Variants in SLC25A25 observed in about 807,000 individuals in gnomAD.
SLC25A25 encodes the protein solute carrier family 25 member 25.
A neutral mutation model predicts 57.7 loss-of-function variants in SLC25A25; 32 were observed. The observed-to-expected ratio is 0.55, with a 90% CI of 0.42 to 0.74. The LOEUF (loss-of-function observed/expected upper bound fraction) is 0.74, where lower values mean the gene tolerates loss of function less well. SLC25A25 is among the 30% of genes least tolerant of loss of function. The pLI is 0.00. For missense variants in SLC25A25, 556 were observed against 701.3 expected, an observed-to-expected ratio of 0.79 and a Z score of 2.34; for synonymous variants, 306 against 291.2, an observed-to-expected ratio of 1.05 and a Z score of -0.52.
chr9:128,080,552 T>C (rs1833133270), intron 1 of SLC25A25, among the ~76,000 whole-genome samples: 1 of 150,916 alleles, frequency 6.6e-6, no homozygotes, highest in South Asian at 2.1e-4. Context: ...ATGGAGTAGC[T>C]GGGATTACAG....
intron 1 of SLC25A25, among the ~76,000 whole-genome samples, chr9:128,073,696 G>A (rs1253407553): frequency 2.6e-5 from 4 of 151,808 alleles, no homozygotes; most frequent in South Asian, 2.1e-4. Context: ...TTGCATAATC[G>A]GTCCCTGGCT....
At chr9:128,085,331 CA>C (rs35591586) in intron 1 of SLC25A25, among the ~76,000 whole-genome samples, 30,847 of 146,616 alleles carry the variant, frequency 0.21, 3,730 homozygotes, top group African/African-American at 0.34. Context: ...AACTCCGTCT[CA>C]AAAAAAAAAA....
Position 128,106,347 on chromosome 9 carries a change from G to T in SLC25A25, c.1045-6G>T, listed in dbSNP as rs780520323. On this transcript the variant is annotated splice_region_variant and splice_polypyrimidine_tract_variant and intron_variant, in intron 8 of 10. Coordinates refer to ENST00000373069, the MANE Select transcript of SLC25A25 (RefSeq NM_001330988.2). ...GCTCACGCGTCCCGCTGCTCCTGTT[G>T]TGCAGGTCCTGAAGACCCGGATGGC... 3 of 1,613,640 alleles carry T rather than the reference G, an allele frequency of 1.9e-6. No homozygotes were observed. The highest frequency in any genetic ancestry group is 2.5e-6 in the Non-Finnish European group (3 of 1,179,810).
chr9:128,081,009 G>C (rs907374953), intron 1 of SLC25A25, among the ~76,000 whole-genome samples: 1 of 152,172 alleles, frequency 6.6e-6, no homozygotes, highest in African/African-American at 2.4e-5. Context: ...CACGACTTGG[G>C]TGTATTTTTT....
intron 1 of SLC25A25, chr9:128,091,381 G>A (rs1327798462): frequency 2.1e-6 from 2 of 956,224 alleles, no homozygotes; most frequent in Admixed American, 6.2e-5. Flanking sequence ...AATGAACTTG[G>A]TAGTGTCGGC....
chr9:128,082,325 A>G (rs968751263), intron 1 of SLC25A25, among the ~76,000 whole-genome samples: 2 of 152,118 alleles, frequency 1.3e-5, no homozygotes, highest in East Asian at 1.9e-4. Flanking sequence ...ATTTGTGCCA[A>G]ATGAGGTGAG....
At chr9:128,079,701 A>T (rs1833102478) in intron 1 of SLC25A25, among the ~76,000 whole-genome samples, 1 of 149,524 alleles carries the variant, frequency 6.7e-6, no homozygotes, top group Non-Finnish European at 1.5e-5. Context: ...TGCTTAAAAA[A>T]CCCAGGAGGG....
intron 1 of SLC25A25, among the ~76,000 whole-genome samples, chr9:128,069,708 C>T (rs141035164): frequency 1.3e-5 from 2 of 152,204 alleles, no homozygotes; most frequent in Non-Finnish European, 2.9e-5. Context: ...AGTAACACTA[C>T]GCAAGATAGA....
chr9:128,100,871 T>G, intron 1 of SLC25A25: 1 of 560,864 alleles, frequency 1.8e-6, no homozygotes, highest in Non-Finnish European at 3.1e-6. Context: ...GAGACAAGAT[T>G]GGCCCTTGCC....
rs769955139 is a variant in SLC25A25 at position 128,107,110 on chromosome 9, A to G, written c.1294A>G (p.Met432Val). ...GVFVLLACGT[M>V]SSTCGQLASY... ...GTTTGTGCTCCTGGCCTGTGGCACC[A>G]TGTCCAGTACCTGTGGCCAGCTGGC... Residue 432 changes from methionine to valine, a missense_variant, in exon 10 of 11, where the codon ATG (methionine) becomes GTG (valine). Met to Val is a conservative substitution (Grantham distance 21). Transcript: ENST00000373069. 1.9e-6 allele frequency: 3 copies of G among 1,614,088 alleles called. No homozygotes were observed. Among genetic ancestry groups the G allele is most frequent in the South Asian group, 1.1e-5 (1 of 91,090 alleles).
intron 1 of SLC25A25, among the ~76,000 whole-genome samples, chr9:128,069,760 T>C (rs1327756886): frequency 6.6e-6 from 1 of 152,176 alleles, no homozygotes; most frequent in Non-Finnish European, 1.5e-5. Flanking sequence ...TTTTTTTGTT[T>C]GTTTGTTTTG....
At chr9:128,091,429 A>G in intron 1 of SLC25A25, 2 of 985,762 alleles carry the variant, frequency 2.0e-6, no homozygotes, top group Non-Finnish European at 2.4e-6. Context: ...GTGAGAATGC[A>G]GACTGGATGC....
chr9:128,097,249 G>A (rs140050204), intron 1 of SLC25A25, among the ~76,000 whole-genome samples: 74 of 152,298 alleles, frequency 4.9e-4, no homozygotes, highest in African/African-American at 1.7e-3. Context: ...TCCGCAGCAC[G>A]AATCTGTGGG....
intron 1 of SLC25A25, chr9:128,100,780 T>A (rs932388922): frequency 3.8e-5 from 13 of 339,164 alleles, no homozygotes; most frequent in Non-Finnish European, 6.6e-5. Context: ...GTCTTCAGAC[T>A]GAGAAAGTGC....
chr9:128,094,470 T>C (rs980931812), intron 1 of SLC25A25: 6 of 152,224 alleles, frequency 3.9e-5, no homozygotes, highest in Admixed American at 3.3e-4. Flanking sequence ...GCAGGTTTCA[T>C]TGGAAACTGG....
intron 1 of SLC25A25, among the ~76,000 whole-genome samples, chr9:128,092,417 G>A (rs752392352): frequency 6.6e-6 from 1 of 152,136 alleles, no homozygotes; most frequent in Non-Finnish European, 1.5e-5. Context: ...TAGCTTATCC[G>A]AACAGCTCAG....
At position 128,107,707 on chromosome 9, in the gene SLC25A25, G is replaced by GTT. The variant is rs1834111798; in HGVS notation, c.*264_*265insTT. On this transcript the variant is annotated 3_prime_UTR_variant, in exon 11 of 11. Transcript: ENST00000373069. ...GTCAGCAGGCTCCGGGCTCACATGTGTAAGGACAGGACATTTTCTGCAGTG... is the reference window on the plus strand; with the variant it reads ...GTCAGCAGGCTCCGGGCTCACATGTGTTTAAGGACAGGACATTTTCTGCAGTG... The GTT allele has an allele frequency of 2.4e-6, 1 of 424,380 alleles. No homozygotes were observed. Among genetic ancestry groups the GTT allele is most frequent in the Non-Finnish European group, 4.1e-6 (1 of 241,142 alleles). 26.3% of individuals were successfully genotyped at this position (424,380 alleles called of 1,614,324 possible). A position where few individuals can be genotyped will look rare whatever the true frequency, so the allele number is the denominator to read the frequency against.
rs756328750 is a variant in SLC25A25 at position 128,105,689 on chromosome 9, GC to G, written c.784-34del. 15 of 1,611,176 alleles carry G rather than the reference GC, an allele frequency of 9.3e-6. No homozygotes were observed. In the East Asian group the frequency reaches 1.6e-4, roughly 17 times the overall value. On this transcript the variant is annotated intron_variant, in intron 6 of 10. Coordinates refer to ENST00000373069, the MANE Select transcript of SLC25A25 (RefSeq NM_001330988.2). ...TCTTGGCCGGGTGAGGCAGCCTGTG[GC>G]CCCCCGGGTCCGTCTGACTGTTCGG...
In SLC25A25 at chr9:128,099,118, G is replaced by A. The variant is rs907924227; in HGVS notation, c.262-1978G>A. ...TGCGTGGTGGAGCTGCCCGTCCCTGGTGTGGGGGTGAGGGAGCCTCCCGCC... is the reference window on the plus strand; with the variant it reads ...TGCGTGGTGGAGCTGCCCGTCCCTGATGTGGGGGTGAGGGAGCCTCCCGCC... On this transcript the variant is annotated intron_variant, in intron 1 of 10. Transcript: ENST00000373069. This position sits in a 1 kb window ranked among gnomAD's most constrained non-coding sequence, Gnocchi z 6.8. 73 of 985,424 alleles carry A rather than the reference G, an allele frequency of 7.4e-5. No individual in the cohort carries two copies. Among genetic ancestry groups the A allele is most frequent in the Non-Finnish European group, 8.8e-5 (73 of 829,916 alleles). The allele number at this position is 985,424 out of a possible 1,614,324, so 61.0% of individuals were successfully genotyped here.
Sources: allele counts gnomAD v4.1 joint callset (sites outside exome capture counted in the v4.1 genomes callset), GRCh38; gene constraint gnomAD v4.1.1; non-coding constraint Gnocchi (gnomAD v3.1); transcripts MANE v1.5; gene names NCBI Gene and HGNC (gene_info 2026-07-23, HGNC 2026-07-21).